Variants in ENOX1 observed in about 807,000 individuals in gnomAD.
ENOX1 encodes the protein ecto-NOX disulfide-thiol exchanger 1.
Under a neutral mutation model 82.5 loss-of-function variants are expected in ENOX1, and 42 were observed. That is an observed-to-expected ratio of 0.51 (90% CI 0.40 to 0.66). ENOX1 has a LOEUF of 0.66. ENOX1 is among the 30% of genes least tolerant of loss of function. The pLI is 0.00. For missense variants in ENOX1, 608 were observed against 811.6 expected (o/e 0.75, Z 3.05); for synonymous variants, 271 against 282.2 (o/e 0.96, Z 0.40).
intron 2 of ENOX1, among the ~76,000 whole-genome samples, chr13:43,497,785 C>T (rs1397406965): frequency 2.0e-5 from 3 of 152,152 alleles, no homozygotes; most frequent in East Asian, 1.9e-4. Context: ...CTCTATTTCC[C>T]GTCTTTGTTT....
intron 15 of ENOX1, among the ~76,000 whole-genome samples, chr13:43,229,127 T>C (rs1226864269): frequency 6.6e-6 from 1 of 152,216 alleles, no homozygotes; most frequent in Admixed American, 6.5e-5. Context: ...TTCTTTCACT[T>C]GGTTCTTCTC....
chr13:43,643,060 CA>C (rs996410709), intron 2 of ENOX1, among the ~76,000 whole-genome samples: 1 of 150,238 alleles, frequency 6.7e-6, no homozygotes, highest in African/African-American at 2.5e-5. Flanking sequence ...AAAATTAACT[CA>C]AAACATTTTT....
chr13:43,220,040 CAGAG>C (rs1209123614), intron 16 of ENOX1, among the ~76,000 whole-genome samples: 2 of 151,566 alleles, frequency 1.3e-5, no homozygotes, highest in Non-Finnish European at 2.9e-5. Context: ...CAAATGTTCA[CAGAG>C]AGAAATACAA....
intron 12 of ENOX1, among the ~76,000 whole-genome samples, chr13:43,271,156 G>C (rs2044656122): frequency 6.6e-6 from 1 of 152,228 alleles, no homozygotes; most frequent in Non-Finnish European, 1.5e-5. Context: ...AAGATAGGAA[G>C]TTGTCTTCAA....
intron 3 of ENOX1, among the ~76,000 whole-genome samples, chr13:43,435,776 A>C (rs112101883): frequency 1.0e-3 from 157 of 152,316 alleles, no homozygotes; most frequent in African/African-American, 3.6e-3. Flanking sequence ...ATAATACCTA[A>C]GAGGTCAATA....
At chr13:43,536,479 C>G (rs938506481) in intron 2 of ENOX1, among the ~76,000 whole-genome samples, 9 of 152,024 alleles carry the variant, frequency 5.9e-5, no homozygotes, top group African/African-American at 2.2e-4. Flanking sequence ...CCATACTTTG[C>G]TGAGAGGCTT....
At chr13:43,566,584 T>G (rs1172184116) in intron 2 of ENOX1, among the ~76,000 whole-genome samples, 1 of 152,006 alleles carries the variant, frequency 6.6e-6, no homozygotes, top group Non-Finnish European at 1.5e-5. Context: ...AAAAAATACT[T>G]CTATCTGCAG....
intron 2 of ENOX1, among the ~76,000 whole-genome samples, chr13:43,502,639 A>G (rs2077020379): frequency 6.6e-6 from 1 of 151,676 alleles, no homozygotes; most frequent in South Asian, 2.1e-4. Flanking sequence ...GCAGAAAAGC[A>G]CTTTATAAAA....
Position 43,434,937 on chromosome 13 carries a change from G to GT in ENOX1, c.-74-21950dup, listed in dbSNP as rs537775258. Among the ~76,000 whole-genome samples the GT allele has an allele frequency of 3.0e-3, 227 of 75,876 alleles. 6 individuals carry two copies. The highest frequency in any genetic ancestry group is 1.0e-2 in the African/African-American group (187 of 18,750). 49.8% of individuals were successfully genotyped at this position (75,876 alleles called of 152,430 possible). A position where few individuals can be genotyped will look rare whatever the true frequency, so the allele number is the denominator to read the frequency against. On this transcript the variant is annotated intron_variant, in intron 3 of 16. Transcript: ENST00000690772. ...CGTGTCTTATTATTGTGTGTGTGTG[G>GT]TTTTTTTTTTTTTTTTTTTTTTTTT... is the stretch of plus-strand genomic sequence containing the variant.
At chr13:43,409,688 G>C (rs1204985621) in intron 5 of ENOX1, among the ~76,000 whole-genome samples, 1 of 152,138 alleles carries the variant, frequency 6.6e-6, no homozygotes, top group Admixed American at 6.5e-5. Flanking sequence ...CTAGAGATTT[G>C]ATGAATTATT....
rs1257910737 is a variant in ENOX1 at position 43,705,328 on chromosome 13, CTCTA to C, written c.-284-37788_-284-37785del. Among the ~76,000 whole-genome samples the C allele has an allele frequency of 6.0e-3, 425 of 71,126 alleles. 3 individuals carry two copies. The highest frequency in any genetic ancestry group is 0.016 in the African/African-American group (402 of 25,140). 46.7% of individuals were successfully genotyped at this position (71,126 alleles called of 152,430 possible). A position where few individuals can be genotyped will look rare whatever the true frequency, so the allele number is the denominator to read the frequency against. On this transcript the variant is annotated intron_variant, in intron 1 of 16. Transcript: ENST00000690772. ...CAACTCTCTCTCTCTCTCTCTCTCT[CTCTA>C]TATATATATATATTTGTAATATATA...
chr13:43,541,063 T>G (rs189389052), intron 2 of ENOX1, among the ~76,000 whole-genome samples: 267 of 152,180 alleles, frequency 1.8e-3, no homozygotes, highest in Non-Finnish European at 3.0e-3. Context: ...TTATCAAATC[T>G]ACTGCATATC....
chr13:43,637,203 T>C (rs1174121069), intron 2 of ENOX1, among the ~76,000 whole-genome samples: 8 of 152,150 alleles, frequency 5.3e-5, no homozygotes, highest in African/African-American at 1.9e-4. Flanking sequence ...GCTCCCTACT[T>C]TTTATGGAAT....
Position 43,224,071 on chromosome 13 carries a change from C to A in ENOX1, c.1782G>T (p.Met594Ile). The part of the protein sequence containing the change: ...GANIEYLWSY[M>I]QQLDSKISAN... ...AATTTACCTTGGAGTCCAGCTGCTG[C>A]ATGTATGACCAAAGATATTCTATGT... is the stretch of plus-strand genomic sequence containing the variant. The change falls in exon 16 of 17, where the codon ATG (methionine) becomes ATT (isoleucine). Residue 594 changes from methionine (M) to isoleucine (I), a missense_variant. Transcript: ENST00000690772. 6.2e-7 allele frequency: 1 copy of A among 1,613,852 alleles called. No individual in the cohort carries two copies. Among genetic ancestry groups the A allele is most frequent in the South Asian group, 1.1e-5 (1 of 91,046 alleles).
chr13:43,446,382 T>C (rs1255135570), intron 3 of ENOX1, among the ~76,000 whole-genome samples: 2 of 152,128 alleles, frequency 1.3e-5, no homozygotes, highest in African/African-American at 2.4e-5. Flanking sequence ...TCACTGCCTA[T>C]TGCTCAGAGC....
intron 2 of ENOX1, among the ~76,000 whole-genome samples, chr13:43,612,014 C>A (rs919478396): frequency 6.6e-6 from 1 of 152,200 alleles, no homozygotes; most frequent in African/African-American, 2.4e-5. Context: ...TCATATCCAA[C>A]CAATTGCTGT....
chr13:43,612,988 A>T (rs934014043), intron 2 of ENOX1, among the ~76,000 whole-genome samples: 5 of 152,210 alleles, frequency 3.3e-5, no homozygotes, highest in Admixed American at 2.0e-4. Flanking sequence ...ATATTTGATG[A>T]TGGCATTTGA....
intron 2 of ENOX1, among the ~76,000 whole-genome samples, chr13:43,576,135 TAAG>T (rs2080411510): frequency 6.6e-6 from 1 of 152,196 alleles, no homozygotes; most frequent in African/African-American, 2.4e-5. Flanking sequence ...GTTAATTGTT[TAAG>T]AAGTGCATAT....
At chr13:43,625,111 T>C (rs1566660939) in intron 2 of ENOX1, among the ~76,000 whole-genome samples, 1 of 152,038 alleles carries the variant, frequency 6.6e-6, no homozygotes, top group East Asian at 1.9e-4. Flanking sequence ...TATGCCTAAG[T>C]AACTCTTTTT....
Sources: gnomAD v4.1 joint callset for allele counts (sites outside exome capture counted in the v4.1 genomes callset) on GRCh38, gnomAD v4.1.1 for gene constraint, MANE v1.5 for transcripts, NCBI Gene and HGNC (gene_info 2026-07-23, HGNC 2026-07-21) for gene names.